Variants in HMOX2 observed in about 807,000 individuals in gnomAD.
HMOX2 encodes heme oxygenase 2, also known as heme oxygenase (decycling) 2.
HMOX2 carries 30 observed loss-of-function variants against 33.7 expected under a neutral mutation model. The observed-to-expected ratio is 0.89, with a 90% CI of 0.67 to 1.21. The LOEUF (loss-of-function observed/expected upper bound fraction) is 1.21, where lower values mean the gene tolerates loss of function less well. HMOX2 is among the 50% of genes most tolerant of loss of function. The probability of loss-of-function intolerance (pLI) is 0.00; values close to 1 mark genes in which losing one functional copy is unlikely to be tolerated. For missense variants in HMOX2, 403 were observed against 399.1 expected (o/e 1.01, Z -0.08); for synonymous variants, 155 against 155.0 (o/e 1.00, Z 0.00).
chr16:4,508,262 C>T (rs2058746415), intron 4 of HMOX2, 58 bp downstream of exon 4: 1 of 1,538,208 alleles, frequency 6.5e-7, no homozygotes, highest in Non-Finnish European at 8.8e-7. Context: ...ACAGTGGTAG[C>T]AGATCCATAG....
intron 1 of HMOX2, among the ~76,000 whole-genome samples, chr16:4,494,656 A>T (rs1404784741): frequency 6.6e-6 from 1 of 151,652 alleles, no homozygotes; most frequent in Admixed American, 6.6e-5. Context: ...AGGCAGGCAG[A>T]TCGCTTGAGT....
Position 4,509,892 on chromosome 16 carries a change from C to CG in HMOX2, c.*136_*137insG. ...TTTAAGAAAGGCAACCAATAAAAGC[C>CG]AGATGCTAGAGCCTCTGCCTGACAG... On this transcript the variant is annotated 3_prime_UTR_variant, in exon 6 of 6. Coordinates refer to ENST00000570646, the MANE Select transcript of HMOX2 (RefSeq NM_002134.4). 2 of 942,776 alleles carry CG rather than the reference C, an allele frequency of 2.1e-6. No homozygotes were observed. The highest frequency in any genetic ancestry group is 1.7e-5 in the South Asian group (1 of 60,014). 58.4% of individuals were successfully genotyped at this position (942,776 alleles called of 1,614,324 possible). A position where few individuals can be genotyped will look rare whatever the true frequency, so the allele number is the denominator to read the frequency against.
chr16:4,501,071 G>A (rs1016394219), intron 1 of HMOX2, among the ~76,000 whole-genome samples: 1 of 152,134 alleles, frequency 6.6e-6, no homozygotes, highest in African/African-American at 2.4e-5. Context: ...TGACTAGTTA[G>A]TTAATGCAGT....
rs569335889 is a variant in HMOX2 at position 4,487,725 on chromosome 16, G to A, written c.-42+11238G>A. ...TGAGGTGGGAGAATGGCGTGAACCCGGGAGGCGGAGGTTGCAGTGAGCTGA... is the reference window on the plus strand; with the variant it reads ...TGAGGTGGGAGAATGGCGTGAACCCAGGAGGCGGAGGTTGCAGTGAGCTGA... On this transcript the variant is annotated intron_variant, in intron 1 of 5. Coordinates refer to ENST00000570646, the MANE Select transcript of HMOX2 (RefSeq NM_002134.4). 4.0e-4 allele frequency among the ~76,000 whole-genome samples: 61 copies of A among 151,998 alleles called. 2 individuals are homozygous for A. Among genetic ancestry groups the A allele is most frequent in the African/African-American group, 1.3e-3 (54 of 41,436 alleles).
intron 1 of HMOX2, among the ~76,000 whole-genome samples, chr16:4,491,045 T>C (rs2058293579): frequency 6.6e-6 from 1 of 152,202 alleles, no homozygotes; most frequent in Non-Finnish European, 1.5e-5. Flanking sequence ...TAAATATGTC[T>C]GCAAACATTT....
intron 1 of HMOX2, among the ~76,000 whole-genome samples, chr16:4,494,246 G>T (rs1013039387): frequency 6.6e-6 from 1 of 151,720 alleles, no homozygotes; most frequent in Non-Finnish European, 1.5e-5. Flanking sequence ...AACCCGGGAG[G>T]TGGAGCTTGC....
chr16:4,483,504 A>T (rs1364437822), intron 1 of HMOX2: 1 of 152,308 alleles, frequency 6.6e-6, no homozygotes, highest in Non-Finnish European at 1.5e-5. Flanking sequence ...AACTGAGGTT[A>T]AAGACCAATA....
intron 1 of HMOX2, chr16:4,502,602 G>C (rs1381571267): frequency 1.3e-5 from 2 of 152,222 alleles, no homozygotes; most frequent in Non-Finnish European, 2.9e-5. Flanking sequence ...AGATAGCTCA[G>C]TGTTTTCATC....
intron 2 of HMOX2, among the ~76,000 whole-genome samples, chr16:4,506,362 C>A (rs1246940474): frequency 1.3e-5 from 2 of 152,202 alleles, no homozygotes; most frequent in African/African-American, 4.8e-5. Flanking sequence ...TCTCGGTTGT[C>A]TCCTTTGCAT....
rs761725306 is a variant in HMOX2, at chr16:4,482,072, C to T, written c.-42+5585C>T. ...GAAGGCAGAGGGAAAGTCAGGCCTT[C>T]GGTTGGCTTGGTAATAGCAGGTATC... On this transcript the variant is annotated intron_variant, in intron 1 of 5. Transcript: ENST00000570646. Among the ~76,000 whole-genome samples, 5 of 152,106 alleles carry T rather than the reference C, an allele frequency of 3.3e-5. 1 individual carries two copies. The highest frequency in any genetic ancestry group is 5.9e-5 in the Non-Finnish European group (4 of 68,028).
At chr16:4,476,749 G>A (rs2270364) in intron 1 of HMOX2, 12,287 of 152,374 alleles carry the variant, frequency 0.081, 829 homozygotes, top group African/African-American at 0.18. Context: ...TCCAGAAGTC[G>A]TCTCCCCGGG....
intron 1 of HMOX2, among the ~76,000 whole-genome samples, chr16:4,491,493 T>C (rs1052274297): frequency 2.6e-5 from 4 of 151,726 alleles, no homozygotes; most frequent in Non-Finnish European, 5.9e-5. Context: ...CTACAAAAAA[T>C]ACCAAAAAAT....
intron 1 of HMOX2, among the ~76,000 whole-genome samples, chr16:4,490,322 GC>G (rs2058274798): frequency 6.6e-6 from 1 of 152,112 alleles, no homozygotes; most frequent in African/African-American, 2.4e-5. Flanking sequence ...TTCCTGCTTT[GC>G]CTCCTGTTCA....
chr16:4,476,273 A>C (rs1434576575), upstream of HMOX2: 1 of 152,300 alleles, frequency 6.6e-6, no homozygotes, highest in African/African-American at 2.4e-5. Flanking sequence ...ACCTCCAGAG[A>C]CCTGGGGAAA....
At chr16:4,482,817 C>G (rs1288976172) in intron 1 of HMOX2, among the ~76,000 whole-genome samples, 1 of 152,116 alleles carries the variant, frequency 6.6e-6, no homozygotes, top group Non-Finnish European at 1.5e-5. Flanking sequence ...CACCTGAGGT[C>G]AGGAGTTTGA....
chr16:4,488,825 CTTTT>C (rs36017534), intron 1 of HMOX2: 18 of 130,444 alleles, frequency 1.4e-4, no homozygotes, highest in Non-Finnish European at 1.7e-4. Flanking sequence ...CTGTACATTT[CTTTT>C]TTTTTTTTTT....
At chr16:4,508,893 G>C (rs2058759939) in intron 4 of HMOX2, among the ~76,000 whole-genome samples, 1 of 152,176 alleles carries the variant, frequency 6.6e-6, no homozygotes, top group Non-Finnish European at 1.5e-5. Flanking sequence ...CCAGCATTTG[G>C]CAGCCTTCTT....
At chr16:4,483,107 G>A (rs980911905) in intron 1 of HMOX2, among the ~76,000 whole-genome samples, 1 of 151,514 alleles carries the variant, frequency 6.6e-6, no homozygotes, top group South Asian at 2.1e-4. Flanking sequence ...AAGCTTCTAC[G>A]CCCTCTCTGG....
At position 4,505,470 on chromosome 16, in the gene HMOX2, T is replaced by C. The variant is rs537773968; in HGVS notation, c.-41-14T>C. 361 of 1,392,626 alleles carry C rather than the reference T, an allele frequency of 2.6e-4. No homozygotes were observed. The highest frequency in any genetic ancestry group is 3.5e-4 in the Non-Finnish European group (355 of 1,006,358). The allele number at this position is 1,392,626 out of a possible 1,614,324, so 86.3% of individuals were successfully genotyped here. On this transcript the variant is annotated splice_polypyrimidine_tract_variant and intron_variant, in intron 1 of 5. Coordinates refer to ENST00000570646, the MANE Select transcript of HMOX2 (RefSeq NM_002134.4). Reference sequence around the variant, plus strand: ...CCGTGGGTGCCACATCACCAGCTCCTTGTGTCTCTGCAGGACCAGAGGAGC... The same window carrying C: ...CCGTGGGTGCCACATCACCAGCTCCCTGTGTCTCTGCAGGACCAGAGGAGC...
Sources: gnomAD v4.1 joint callset for allele counts (sites outside exome capture counted in the v4.1 genomes callset) on GRCh38, gnomAD v4.1.1 for gene constraint, MANE v1.5 for transcripts, NCBI Gene and HGNC (gene_info 2026-07-23, HGNC 2026-07-21) for gene names.